The following ZBTB18 variants were observed in gnomAD, a reference collection of about 807,000 sequenced individuals.
The protein encoded by ZBTB18 is zinc finger and BTB domain-containing protein 18.
In ZBTB18, 2 loss-of-function variants were observed where a neutral mutation model predicts 37.7. The ratio of observed to expected loss-of-function variants is 0.05; its 90% CI spans 0.02 to 0.17. The LOEUF is 0.17. ZBTB18 is among the 10% of genes least tolerant of loss of function. ZBTB18 has a pLI of 1.00. For missense variants in ZBTB18, 408 were observed against 686.3 expected (o/e 0.59, Z 4.53); for synonymous variants, 304 against 276.5 (o/e 1.10, Z -0.99).
Position 244,056,399 on chromosome 1 carries a change from T to C in ZBTB18, c.*1029T>C, listed in dbSNP as rs1698469642. On this transcript the variant is annotated 3_prime_UTR_variant, in exon 2 of 2. Coordinates refer to ENST00000358704, the MANE Select transcript of ZBTB18 (RefSeq NM_205768.3). ...GCTGAATAAAAACTTAAGCTGCAAA[T>C]TGATAACTTCGCTACATAACAAGGA... The C allele has an allele frequency of 6.0e-6, 1 of 167,106 alleles. No individual in the cohort carries two copies. The highest frequency in any genetic ancestry group is 1.5e-5 in the Non-Finnish European group (1 of 68,118). The allele number at this position is 167,106 out of a possible 1,614,324, so 10.4% of individuals were successfully genotyped here.
At chr1:244,052,103 T>G (rs1180678672) in intron 1 of ZBTB18, among the ~76,000 whole-genome samples, 2 of 152,258 alleles carry the variant, frequency 1.3e-5, no homozygotes, top group Non-Finnish European at 2.9e-5. Context: ...TTAGAACTTG[T>G]AGATTTGAGC....
upstream of ZBTB18, among the ~76,000 whole-genome samples, chr1:244,048,697 G>A (rs1572526378): frequency 7.8e-6 from 1 of 128,962 alleles, no homozygotes; most frequent in Non-Finnish European, 1.7e-5. Flanking sequence ...TCGCTCCCTC[G>A]CTGTGTCTGG....
chr1:244,050,451 A>C (rs1044686617), upstream of ZBTB18, among the ~76,000 whole-genome samples: 1 of 141,164 alleles, frequency 7.1e-6, no homozygotes, highest in Non-Finnish European at 1.6e-5. Context: ...CCCAAAGAAA[A>C]AAAAGATTGT....
rs147855070 is a variant in ZBTB18, at chr1:244,053,024, C to T, written c.14-764C>T. 1.6e-3 allele frequency among the ~76,000 whole-genome samples: 249 copies of T among 152,272 alleles called. 1 individual carries two copies. Among genetic ancestry groups the T allele is most frequent in the African/African-American group, 5.3e-3 (221 of 41,552 alleles). On this transcript the variant is annotated intron_variant, in intron 1 of 1. Coordinates refer to ENST00000358704, the MANE Select transcript of ZBTB18 (RefSeq NM_205768.3). The surrounding 1 kb of genome is among the most constrained non-coding windows in gnomAD (Gnocchi z 5.2). ...CAGTTTCTACAAAGAAATGTAACTA[C>T]TTTTTTCTCAGTTCGTTTTGAAAAA...
At chr1:244,050,898 A>G (rs1698336086), upstream of ZBTB18, among the ~76,000 whole-genome samples, 1 of 152,216 alleles carries the variant, frequency 6.6e-6, no homozygotes, top group South Asian at 2.1e-4. Flanking sequence ...TGCTTTAGAA[A>G]CTAAACGTTG....
In ZBTB18 at chr1:244,054,704, G is replaced by C. The variant is rs752486129; in HGVS notation, c.930G>C (p.Val310=). The change falls in exon 2 of 2, where the codon GTG becomes GTC. Residue 310 remains valine (V), a synonymous_variant. Coordinates refer to ENST00000358704, the MANE Select transcript of ZBTB18 (RefSeq NM_205768.3). The surrounding 1 kb of genome is among the most constrained non-coding windows in gnomAD (Gnocchi z 9.0). ...AACATAGCACTGTGAAAGAAAGTGT[G>C]AGCACTAATAACAGGGTACAGTATG... is the stretch of plus-strand genomic sequence containing the variant. The part of the protein sequence containing the change: ...DMEHSTVKES[V]STNNRVQYEP... 1.7e-5 allele frequency: 27 copies of C among 1,614,070 alleles called. No homozygotes were observed. The South Asian group carries it at 3.0e-4, about 18-fold the overall frequency.
In ZBTB18 at chr1:244,056,515, A is replaced by G. The variant is rs192588978; in HGVS notation, c.*1145A>G. 289 of 167,246 alleles carry G rather than the reference A, an allele frequency of 1.7e-3. No individual in the cohort carries two copies. Among genetic ancestry groups the G allele is most frequent in the African/African-American group, 6.9e-3 (287 of 41,598 alleles). The allele number at this position is 167,246 out of a possible 1,614,324, so 10.4% of individuals were successfully genotyped here. ...AATTGCACAAAACCCATGCCAGCTC[A>G]GAGTTTAGGTGTACACATTTACCCA... On this transcript the variant is annotated 3_prime_UTR_variant, in exon 2 of 2. Transcript: ENST00000358704.
chr1:244,051,353 T>C lies in ZBTB18; in HGVS notation c.-79T>C. On this transcript the variant is annotated 5_prime_UTR_variant, in exon 1 of 2. Coordinates refer to ENST00000358704, the MANE Select transcript of ZBTB18 (RefSeq NM_205768.3). ...ACATCATCTCCACTTTGCATCTGTC[T>C]CTCTTAGTCTGCTTTTTTTCCACCG... 7.9e-6 allele frequency: 12 copies of C among 1,526,746 alleles called. No individual in the cohort carries two copies. The highest frequency in any genetic ancestry group is 9.9e-6 in the Non-Finnish European group (11 of 1,109,676). 94.6% of individuals were successfully genotyped at this position (1,526,746 alleles called of 1,614,324 possible).
Position 244,056,536 on chromosome 1 carries a change from A to AC in ZBTB18, c.*1169dup. 1 of 167,140 alleles carries AC rather than the reference A, an allele frequency of 6.0e-6. No individual in the cohort carries two copies. The highest frequency in any genetic ancestry group is 1.5e-5 in the Non-Finnish European group (1 of 68,132). 10.4% of individuals were successfully genotyped at this position (167,140 alleles called of 1,614,324 possible). On this transcript the variant is annotated 3_prime_UTR_variant, in exon 2 of 2. Transcript: ENST00000358704. ...GCTCAGAGTTTAGGTGTACACATTT[A>AC]CCCAGTTGAGCGTTCTTAGAATAAC...
rs892128610 is a variant in ZBTB18 at position 244,056,880 on chromosome 1, C to A, written c.*1510C>A. The A allele has an allele frequency of 6.0e-6, 1 of 166,982 alleles. No homozygotes were observed. The highest frequency in any genetic ancestry group is 1.5e-5 in the Non-Finnish European group (1 of 68,092). The allele number at this position is 166,982 out of a possible 1,614,324, so 10.3% of individuals were successfully genotyped here. A position where few individuals can be genotyped will look rare whatever the true frequency, so the allele number is the denominator to read the frequency against. ...TGTTTGTTTTCCTGTCTTGCACTTA[C>A]AAATAAGGTCTATGGGAGTAGCATG... is the stretch of plus-strand genomic sequence containing the variant. On this transcript the variant is annotated 3_prime_UTR_variant, in exon 2 of 2. Transcript: ENST00000358704.
At chr1:244,049,177 CG>C (rs907284554), upstream of ZBTB18, among the ~76,000 whole-genome samples, 16 of 107,766 alleles carry the variant, frequency 1.5e-4, no homozygotes, top group East Asian at 4.5e-3. Context: ...GTTGGGGCGG[CG>C]GGGGGCGGCG....
At position 244,056,359 on chromosome 1, in the gene ZBTB18, A is replaced by G. The variant is rs1572532883; in HGVS notation, c.*989A>G. 1 of 167,176 alleles carries G rather than the reference A, an allele frequency of 6.0e-6. No homozygotes were observed. The highest frequency in any genetic ancestry group is 2.1e-4 in the South Asian group (1 of 4,816). 10.4% of individuals were successfully genotyped at this position (167,176 alleles called of 1,614,324 possible). On this transcript the variant is annotated 3_prime_UTR_variant, in exon 2 of 2. Transcript: ENST00000358704. ...TAAATTGACTTTCCCACTGTCTTTAAGTTGAAACTGTTAAGCTGAATAAAA... is the reference window on the plus strand; with the variant it reads ...TAAATTGACTTTCCCACTGTCTTTAGGTTGAAACTGTTAAGCTGAATAAAA...
At chr1:244,050,827 GTAA>G (rs1260715400), upstream of ZBTB18, among the ~76,000 whole-genome samples, 3 of 152,162 alleles carry the variant, frequency 2.0e-5, no homozygotes, top group Non-Finnish European at 2.9e-5. Context: ...AAAAAGTGCG[GTAA>G]TAATGTTGAA....
rs759765656 is a variant in ZBTB18 at position 244,054,497 on chromosome 1, T to C, written c.723T>C (p.Asp241=). ...AGAGGTCTGTCACCTCCGTGAGGGA[T>C]TCGGCAGATGTTGACTGTGTGCTGG... ...LSQRSVTSVR[D]SADVDCVLDL... is the part of the protein sequence containing the mutation. The change falls in exon 2 of 2, where the codon GAT becomes GAC. Residue 241 remains aspartate, a synonymous_variant. Transcript: ENST00000358704. The surrounding 1 kb of genome is among the most constrained non-coding windows in gnomAD (Gnocchi z 9.0). 1 of 1,614,204 alleles carries C rather than the reference T, an allele frequency of 6.2e-7. No individual in the cohort carries two copies. The highest frequency in any genetic ancestry group is 1.3e-5 in the African/African-American group (1 of 75,058).
Position 244,053,798 on chromosome 1 carries a change from C to G in ZBTB18, c.24C>G (p.Asp8Glu). ...TTCCTCTCTCCCCAGGTTATGAAGA[C>G]AGTATGGAGTTTCCAGACCATAGTA... MCPKGYE[D>E]SMEFPDHSRH... Residue 8 changes from aspartate (D) to glutamate (E), a missense_variant, in exon 2 of 2, where the codon GAC (aspartate) becomes GAG (glutamate). Physicochemically the swap from Asp to Glu is conservative, Grantham distance 45. Around this residue, in one of 4 missense-constraint regions of ZBTB18, gnomAD observed 95 missense variants for 218.7 expected, o/e 0.43. Coordinates refer to ENST00000358704, the MANE Select transcript of ZBTB18 (RefSeq NM_205768.3). The surrounding 1 kb of genome is among the most constrained non-coding windows in gnomAD (Gnocchi z 5.2). 6.2e-7 allele frequency: 1 copy of G among 1,612,204 alleles called. No homozygotes were observed. The highest frequency in any genetic ancestry group is 8.5e-7 in the Non-Finnish European group (1 of 1,178,794).
In ZBTB18 at chr1:244,051,452, T is replaced by C. The variant is rs765525623; in HGVS notation, c.13+8T>C. ...GGTTTATGTGTCCTAAAGGTAGGAG[T>C]AGCAAGAGATTAGATTGAGCATATT... On this transcript the variant is annotated splice_region_variant and intron_variant, in intron 1 of 1. Transcript: ENST00000358704. 6.2e-6 allele frequency: 10 copies of C among 1,613,936 alleles called. No homozygotes were observed. Among genetic ancestry groups the C allele is most frequent in the Non-Finnish European group, 8.5e-6 (10 of 1,179,938 alleles).
upstream of ZBTB18, among the ~76,000 whole-genome samples, chr1:244,050,585 G>T (rs1698328743): frequency 6.6e-6 from 1 of 152,106 alleles, no homozygotes; most frequent in Admixed American, 6.5e-5. Flanking sequence ...AATTGGTCTC[G>T]TTGAACTGAA....
chr1:244,052,563 G>A (rs1212902808), intron 1 of ZBTB18, among the ~76,000 whole-genome samples: 1 of 152,194 alleles, frequency 6.6e-6, no homozygotes, highest in Non-Finnish European at 1.5e-5. Flanking sequence ...CAGGAAAGGG[G>A]AAGTCGGGTC....
In ZBTB18 at chr1:244,053,634, C is replaced by A. The variant is rs1486720636; in HGVS notation, c.14-154C>A. On this transcript the variant is annotated intron_variant, in intron 1 of 1. Coordinates refer to ENST00000358704, the MANE Select transcript of ZBTB18 (RefSeq NM_205768.3). This position sits in a 1 kb window ranked among gnomAD's most constrained non-coding sequence, Gnocchi z 5.2. ...TTCCTTCTGGCATTTAGGTCTTGTCCGTGTGATTTGGTGGTGCTTGGGTCA... is the reference window on the plus strand; with the variant it reads ...TTCCTTCTGGCATTTAGGTCTTGTCAGTGTGATTTGGTGGTGCTTGGGTCA... The A allele has an allele frequency of 7.2e-6, 5 of 693,940 alleles. No homozygotes were observed. The highest frequency in any genetic ancestry group is 1.3e-4 in the East Asian group (1 of 7,450). 43.0% of individuals were successfully genotyped at this position (693,940 alleles called of 1,614,324 possible). A position where few individuals can be genotyped will look rare whatever the true frequency, so the allele number is the denominator to read the frequency against.
Sources: gnomAD v4.1 joint callset for allele counts (sites outside exome capture counted in the v4.1 genomes callset) on GRCh38, gnomAD v4.1.1 for gene constraint, gnomAD v4.1.1 regional missense constraint, Gnocchi (gnomAD v3.1) non-coding constraint, MANE v1.5 for transcripts, NCBI Gene and HGNC (gene_info 2026-07-23, HGNC 2026-07-21) for gene names.